KIF13B: variants seen among roughly 807,000 people sequenced by gnomAD.
The protein encoded by KIF13B is kinesin-like protein KIF13B.
In KIF13B, 127 loss-of-function variants were observed where a neutral mutation model predicts 222.0. That is an observed-to-expected ratio of 0.57 (90% confidence interval 0.50 to 0.66). KIF13B has a LOEUF of 0.66. Ranked by LOEUF, KIF13B falls within the 30% of genes least tolerant of loss-of-function variation. The probability of loss-of-function intolerance (pLI) is 0.00; values close to 1 mark genes in which losing one functional copy is unlikely to be tolerated. For synonymous variants in KIF13B, 976 were observed against 919.0 expected, an observed-to-expected ratio of 1.06 and a Z score of -1.12; for missense variants, 2,173 against 2,379.0, an observed-to-expected ratio of 0.91 and a Z score of 1.80.
Position 29,069,000 on chromosome 8 carries a change from C to G in KIF13B, c.*1504G>C, listed in dbSNP as rs1250889917. ...AGAGAAAGACAACCTGTCCTCGCAG[C>G]CAGGGCTGGGACAGGCCCACCATGG... is the stretch of plus-strand genomic sequence containing the variant. On this transcript the variant is annotated 3_prime_UTR_variant, in exon 40 of 40. Transcript: ENST00000524189. The surrounding 1 kb of genome is among the most constrained non-coding windows in gnomAD (Gnocchi z 4.4). 2.6e-5 allele frequency: 4 copies of G among 152,196 alleles called. No homozygotes were observed. Among genetic ancestry groups the G allele is most frequent in the African/African-American group, 9.7e-5 (4 of 41,450 alleles). The allele number at this position is 152,196 out of a possible 1,614,324, so 9.4% of individuals were successfully genotyped here.
chr8:29,153,099 T>C (rs966303279), intron 14 of KIF13B, among the ~76,000 whole-genome samples: 2 of 152,138 alleles, frequency 1.3e-5, no homozygotes, highest in Non-Finnish European at 2.9e-5. Context: ...AAGTTCCAAG[T>C]GCTATGTAGT....
chr8:29,205,108 C>T (rs1472465558), intron 2 of KIF13B, among the ~76,000 whole-genome samples: 1 of 152,008 alleles, frequency 6.6e-6, no homozygotes, highest in African/African-American at 2.4e-5. Flanking sequence ...AGGATCGCTT[C>T]AGCCCAGGAG....
intron 14 of KIF13B, among the ~76,000 whole-genome samples, chr8:29,153,121 C>T (rs1811373305): frequency 6.6e-6 from 1 of 152,050 alleles, no homozygotes; most frequent in Non-Finnish European, 1.5e-5. Context: ...ACTTAAGATG[C>T]TTATGGTATG....
intron 10 of KIF13B, among the ~76,000 whole-genome samples, chr8:29,172,082 CTTT>C (rs35655869): frequency 3.5e-5 from 4 of 113,276 alleles, no homozygotes; most frequent in Non-Finnish European, 3.5e-5. Flanking sequence ...ATTTTCTTTT[CTTT>C]TTTTTTTTTT....
At chr8:29,235,399 A>G (rs1354705363) in intron 2 of KIF13B, among the ~76,000 whole-genome samples, 3 of 152,246 alleles carry the variant, frequency 2.0e-5, no homozygotes, top group Non-Finnish European at 2.9e-5. Context: ...AAGATAGCTC[A>G]TCAGGTTCTG....
intron 6 of KIF13B, 48 bp from the exon 7 acceptor site, chr8:29,182,054 T>C: frequency 7.1e-7 from 1 of 1,416,848 alleles, no homozygotes; most frequent in South Asian, 1.2e-5. Context: ...AGCCTATTTT[T>C]AAAAAGGACT....
intron 11 of KIF13B, 125 bp from the exon 12 acceptor site, chr8:29,165,897 C>A: frequency 1.3e-5 from 1 of 79,628 alleles, no homozygotes; most frequent in Non-Finnish European, 2.2e-5. Context: ...TGAGGTCTGA[C>A]ATCTACTTCG....
intron 25 of KIF13B, 118 bp from the exon 26 acceptor site, chr8:29,126,629 A>G (rs1438642428): frequency 5.8e-6 from 4 of 694,182 alleles, no homozygotes; most frequent in Non-Finnish European, 7.6e-6. Flanking sequence ...TTAATATACT[A>G]TTTCATCTCC....
At chr8:29,164,303 T>C (rs563858593) in intron 12 of KIF13B, among the ~76,000 whole-genome samples, 3 of 152,320 alleles carry the variant, frequency 2.0e-5, no homozygotes, top group East Asian at 1.9e-4. Context: ...TGAAAACAGA[T>C]TGAGCAAGTT....
intron 2 of KIF13B, among the ~76,000 whole-genome samples, chr8:29,213,247 T>G (rs1814313694): frequency 2.0e-5 from 3 of 152,208 alleles, no homozygotes; most frequent in African/African-American, 4.8e-5. Context: ...TAGGCAGACT[T>G]GAATTCAAAT....
chr8:29,197,794 A>G (rs1428349556), intron 2 of KIF13B, among the ~76,000 whole-genome samples: 7 of 152,242 alleles, frequency 4.6e-5, no homozygotes, highest in African/African-American at 1.7e-4. Context: ...GTCCGGTTGG[A>G]CAAGCTTTTC....
chr8:29,200,648 C>T (rs1172894074), intron 2 of KIF13B, among the ~76,000 whole-genome samples: 1 of 152,182 alleles, frequency 6.6e-6, no homozygotes, highest in East Asian at 1.9e-4. Flanking sequence ...AACCTATAGA[C>T]AACCTCCTCC....
rs866663967 is a variant in KIF13B, at chr8:29,070,708, C to G, written c.5277G>C (p.Gly1759=). 6.4e-7 allele frequency: 1 copy of G among 1,561,886 alleles called. No homozygotes were observed. Among genetic ancestry groups the G allele is most frequent in the African/African-American group, 1.4e-5 (1 of 73,720 alleles). ...GGACCCGGCTGGGCCTGACCAGCAGCCCGTAGCCAGGGTTACACCTGAAGT... is the reference window on the plus strand; with the variant it reads ...GGACCCGGCTGGGCCTGACCAGCAGGCCGTAGCCAGGGTTACACCTGAAGT... ...KQYFRCNPGY[G]LLVRPSRVRR... Residue 1759 remains glycine (G), a synonymous_variant, in exon 40 of 40, where the codon GGG becomes GGC. Transcript: ENST00000524189. This position sits in a 1 kb window ranked among gnomAD's most constrained non-coding sequence, Gnocchi z 4.1.
intron 2 of KIF13B, among the ~76,000 whole-genome samples, chr8:29,221,328 G>C (rs978001099): frequency 6.6e-6 from 1 of 151,542 alleles, no homozygotes; most frequent in Non-Finnish European, 1.5e-5. Context: ...GTCTCGAACT[G>C]CTGACCTCAA....
In KIF13B at chr8:29,225,290, G is replaced by A. The variant is rs56912598; in HGVS notation, c.149+20056C>T. On this transcript the variant is annotated intron_variant, in intron 2 of 39. Transcript: ENST00000524189. ...TTATGAGCATTTTATGCATATTAACGCATTTAGTCCTCATAACAACCCTAT... is the reference window on the plus strand; with the variant it reads ...TTATGAGCATTTTATGCATATTAACACATTTAGTCCTCATAACAACCCTAT... Among the ~76,000 whole-genome samples, 822 of 152,272 alleles carry A rather than the reference G, an allele frequency of 5.4e-3. 5 individuals are homozygous for A. Among genetic ancestry groups the A allele is most frequent in the African/African-American group, 0.017 (719 of 41,542 alleles).
chr8:29,142,253 T>G lies in KIF13B; in HGVS notation c.2238A>C (p.Lys746Asn). 6 of 1,613,590 alleles carry G rather than the reference T, an allele frequency of 3.7e-6. No homozygotes were observed. ...EPAIQVRRKG[K>N]GKQIWSLEKL... ...TTTCCAAAGACCAAATCTGCTTTCC[T>G]TTTCCTTTTCTTCTCACCTGGATTG... is the stretch of plus-strand genomic sequence containing the variant. Residue 746 changes from lysine (K) to asparagine (N), a missense_variant, in exon 19 of 40, where the codon AAA becomes AAC. Coordinates refer to ENST00000524189, the MANE Select transcript of KIF13B (RefSeq NM_015254.4).
rs1231884995 is a variant in KIF13B, at chr8:29,127,159, C to G, written c.3185G>C (p.Arg1062Thr). 24 of 1,613,872 alleles carry G rather than the reference C, an allele frequency of 1.5e-5. No individual in the cohort carries two copies. The highest frequency in any genetic ancestry group is 1.9e-5 in the Non-Finnish European group (23 of 1,179,880). ...LSVGIGCVKV[R>T]PLRAPRTHET... ...ATGTGTTCTGGGGGCTCTGAGCGGT[C>G]TAACTTTGACACATCCAATGCCAAC... is the stretch of plus-strand genomic sequence containing the variant. Residue 1062 changes from arginine (R) to threonine (T), a missense_variant, in exon 25 of 40, where the codon AGA becomes ACA. Arg to Thr is a moderately conservative substitution (Grantham distance 71, BLOSUM62 -1). This residue lies in a region of KIF13B where 1,480 missense variants were observed against 1,722.8 expected (regional missense o/e 0.86). Transcript: ENST00000524189.
Position 29,075,321 on chromosome 8 carries a change from T to C in KIF13B, c.4481A>G (p.Gln1494Arg), listed in dbSNP as rs760126656. ...CACCCTGATGTCCGGGCTGGCTGAC[T>C]GCACCATGATGCGGGGCACGGGCTG... ...AHQPVPRIMV[Q>R]SASPDIRVTR... Residue 1494 changes from glutamine to arginine, a missense_variant, in exon 38 of 40, where the codon CAG (glutamine) becomes CGG (arginine). Gln to Arg is a conservative substitution (Grantham distance 43, BLOSUM62 1). Coordinates refer to ENST00000524189, the MANE Select transcript of KIF13B (RefSeq NM_015254.4). The C allele has an allele frequency of 1.9e-6, 3 of 1,559,624 alleles. No individual in the cohort carries two copies. Among genetic ancestry groups the C allele is most frequent in the Admixed American group, 1.9e-5 (1 of 52,318 alleles).
In KIF13B at chr8:29,072,172, C is replaced by T. The variant is rs1426607352; in HGVS notation, c.4666G>A (p.Gly1556Arg). ...GCTTCACTCAGGGGGCTGGGGGGCC[C>T]GTCCTGTGCCTCCGGAGCCGGGGTG... ...AVTPAPEAQDGPPSPLSEASS... is the reference protein window; with the variant it reads ...AVTPAPEAQDRPPSPLSEASS... The change falls in exon 39 of 40, where the codon GGG (glycine) becomes AGG (arginine). Residue 1556 changes from glycine to arginine, a missense_variant. Around this residue, in one of 2 missense-constraint regions of KIF13B, gnomAD observed 693 missense variants for 656.2 expected, o/e 1.06. Coordinates refer to ENST00000524189, the MANE Select transcript of KIF13B (RefSeq NM_015254.4). The T allele has an allele frequency of 1.6e-5, 23 of 1,429,004 alleles. No individual in the cohort carries two copies. Among genetic ancestry groups the T allele is most frequent in the Non-Finnish European group, 2.0e-5 (22 of 1,091,282 alleles). The allele number at this position is 1,429,004 out of a possible 1,614,324, so 88.5% of individuals were successfully genotyped here. A position where few individuals can be genotyped will look rare whatever the true frequency, so the allele number is the denominator to read the frequency against.
Sources: gnomAD v4.1 joint callset for allele counts (sites outside exome capture counted in the v4.1 genomes callset) on GRCh38, gnomAD v4.1.1 for gene constraint, gnomAD v4.1.1 regional missense constraint, Gnocchi (gnomAD v3.1) non-coding constraint, MANE v1.5 for transcripts, NCBI Gene and HGNC (gene_info 2026-07-23, HGNC 2026-07-21) for gene names.